DNAH9: variants seen among roughly 807,000 people sequenced by gnomAD.
DNAH9 encodes dynein axonemal heavy chain 9, also known as DNAH9 variant protein.
Under a neutral mutation model 471.6 loss-of-function variants are expected in DNAH9, and 345 were observed. The ratio of observed to expected loss-of-function variants is 0.73; its 90% CI spans 0.67 to 0.80. The LOEUF (loss-of-function observed/expected upper bound fraction) is 0.80. Ranked by LOEUF, DNAH9 falls within the 30% of genes least tolerant of loss-of-function variation. The probability of loss-of-function intolerance (pLI) is 0.00; values close to 1 mark genes in which losing one functional copy is unlikely to be tolerated. For synonymous variants in DNAH9, 2,093 were observed against 2,123.6 expected, an observed-to-expected ratio of 0.99 and a Z score of 0.40; for missense variants, 5,407 against 5,609.2, an observed-to-expected ratio of 0.96 and a Z score of 1.15.
rs563682297 is a variant in DNAH9 at position 11,933,474 on chromosome 17, G to A, written c.12298-406G>A. ...CAGCTCACCACAACCTCCGCCTCCC[G>A]GGTTCAAGAGATTCTCCTGTCTCAG... is the stretch of plus-strand genomic sequence containing the variant. On this transcript the variant is annotated intron_variant, in intron 64 of 68. Transcript: ENST00000262442. Among the ~76,000 whole-genome samples, 41 of 151,710 alleles carry A rather than the reference G, an allele frequency of 2.7e-4. 1 individual carries two copies. The highest frequency in any genetic ancestry group is 2.5e-3 in the South Asian group (12 of 4,806).
At chr17:11,908,826 G>A (rs1051792606) in intron 61 of DNAH9, among the ~76,000 whole-genome samples, 1 of 152,166 alleles carries the variant, frequency 6.6e-6, no homozygotes, top group African/African-American at 2.4e-5. Context: ...AGCCTTCCGC[G>A]GATGCCGGGT....
At chr17:11,926,071 G>C (rs908693311) in intron 62 of DNAH9, among the ~76,000 whole-genome samples, 2 of 135,108 alleles carry the variant, frequency 1.5e-5, no homozygotes, top group Admixed American at 8.4e-5. Context: ...AAGCTGGGGG[G>C]GGAGGAATAC....
At position 11,962,720 on chromosome 17, in the gene DNAH9, G is replaced by A. The variant is rs1976326255; in HGVS notation, c.13233+464G>A. On this transcript the variant is annotated intron_variant, in intron 68 of 68. Coordinates refer to ENST00000262442, the MANE Select transcript of DNAH9 (RefSeq NM_001372.4). This position sits in a 1 kb window ranked among gnomAD's most constrained non-coding sequence, Gnocchi z 4.1. ...TGTCTGTCGCCCAGGCTGGAGTACA[G>A]TGGCACGATCTTAGCTCACTGCAAC... Among the ~76,000 whole-genome samples, 1 of 152,168 alleles carries A rather than the reference G, an allele frequency of 6.6e-6. No individual in the cohort carries two copies. The highest frequency in any genetic ancestry group is 2.1e-4 in the South Asian group (1 of 4,838).
At chr17:11,768,740 T>A (rs1301623931) in intron 37 of DNAH9, 114 bp downstream of exon 37, 1 of 1,298,246 alleles carries the variant, frequency 7.7e-7, no homozygotes, top group African/African-American at 1.5e-5. Context: ...TAGGAACTAG[T>A]CATCCCCAGC....
At chr17:11,961,809 G>T in intron 67 of DNAH9, 58 bp from the exon 68 acceptor site, 1 of 1,533,910 alleles carries the variant, frequency 6.5e-7, no homozygotes, top group Non-Finnish European at 8.8e-7. Flanking sequence ...CTGAGGCCAG[G>T]TGTTTTCAGG....
intron 43 of DNAH9, among the ~76,000 whole-genome samples, chr17:11,802,122 G>A (rs866254400): frequency 6.6e-6 from 1 of 152,080 alleles, no homozygotes; most frequent in African/African-American, 2.4e-5. Flanking sequence ...CTTTATCCTC[G>A]CTCTGCCATT....
At chr17:11,923,520 C>T (rs1334746959) in intron 61 of DNAH9, among the ~76,000 whole-genome samples, 1 of 152,158 alleles carries the variant, frequency 6.6e-6, no homozygotes, top group Non-Finnish European at 1.5e-5. Flanking sequence ...ACTGTGTTAG[C>T]CAGGATGGTC....
intron 26 of DNAH9, among the ~76,000 whole-genome samples, chr17:11,709,123 T>A (rs2074787421): frequency 6.6e-6 from 1 of 152,208 alleles, no homozygotes; most frequent in South Asian, 2.1e-4. Context: ...TTTAGAGGTC[T>A]CTAGTATACT....
rs770784805 is a variant in DNAH9 at position 11,932,194 on chromosome 17, G to A, written c.12286G>A (p.Ala4096Thr). 3.7e-6 allele frequency: 6 copies of A among 1,613,944 alleles called. No homozygotes were observed. The highest frequency in any genetic ancestry group is 5.1e-6 in the Non-Finnish European group (6 of 1,179,944). Residue 4096 changes from alanine to threonine, a missense_variant, in exon 64 of 69, where the codon GCC becomes ACC. By Grantham distance (58) the Ala-to-Thr change is moderately conservative (BLOSUM62 0). This residue lies in a region of DNAH9 where 4,636 missense variants were observed against 4,900.3 expected (regional missense o/e 0.95). Transcript: ENST00000262442. The surrounding 1 kb of genome is among the most constrained non-coding windows in gnomAD (Gnocchi z 4.3). ...GAATGTCCTCTACAACTTCCTGGAG[G>A]CCAACGCAAAGGTAAAGGCCATGGA... ...SVNVLYNFLE[A>T]NAKVPYDDLR...
At chr17:11,712,218 T>G (rs2074879522) in intron 26 of DNAH9, among the ~76,000 whole-genome samples, 1 of 146,694 alleles carries the variant, frequency 6.8e-6, no homozygotes, top group African/African-American at 2.5e-5. Context: ...TTTTAAAAAC[T>G]CCCATATTTT....
chr17:11,900,154 A>G (rs1374980688), intron 59 of DNAH9, among the ~76,000 whole-genome samples: 1 of 151,466 alleles, frequency 6.6e-6, no homozygotes, highest in Non-Finnish European at 1.5e-5. Context: ...CTGGCTCAAA[A>G]GTGGTGGTGC....
chr17:11,785,433 A>G (rs1363123402), intron 41 of DNAH9, among the ~76,000 whole-genome samples: 1 of 152,164 alleles, frequency 6.6e-6, no homozygotes, highest in African/African-American at 2.4e-5. Context: ...TCTCAGAGCA[A>G]TTATGCAGGC....
chr17:11,732,406 C>A (rs902076141), intron 28 of DNAH9, among the ~76,000 whole-genome samples: 2 of 152,032 alleles, frequency 1.3e-5, no homozygotes, highest in African/African-American at 4.8e-5. Flanking sequence ...ATTATTCACA[C>A]GGCAATCCAG....
At position 11,716,082 on chromosome 17, in the gene DNAH9, CT is replaced by C. The variant is rs61643065; in HGVS notation, c.5553-3233del. 3.9e-3 allele frequency among the ~76,000 whole-genome samples: 516 copies of C among 132,438 alleles called. 1 individual carries two copies. The highest frequency in any genetic ancestry group is 0.011 in the African/African-American group (344 of 32,564). The allele number at this position is 132,438 out of a possible 152,430, so 86.9% of individuals were successfully genotyped here. A position where few individuals can be genotyped will look rare whatever the true frequency, so the allele number is the denominator to read the frequency against. ...ATACTGCCTCTTTCTTTTTCTTTCT[CT>C]TTTTTTTTTTTTTTTTTTGAGATGA... is the stretch of plus-strand genomic sequence containing the variant. On this transcript the variant is annotated intron_variant, in intron 26 of 68. Transcript: ENST00000262442.
chr17:11,753,435 C>T (rs760732706), intron 33 of DNAH9, among the ~76,000 whole-genome samples: 1 of 152,106 alleles, frequency 6.6e-6, no homozygotes, highest in Non-Finnish European at 1.5e-5. Context: ...GAGGCCAAGG[C>T]GGGCAGATCA....
chr17:11,688,124 G>T (rs1356272157), intron 19 of DNAH9, among the ~76,000 whole-genome samples: 1 of 148,306 alleles, frequency 6.7e-6, no homozygotes, highest in African/African-American at 2.5e-5. Flanking sequence ...GCCTACATGG[G>T]TTCCTTTGCA....
intron 68 of DNAH9, among the ~76,000 whole-genome samples, chr17:11,964,366 A>G (rs1976509159): frequency 6.6e-6 from 1 of 152,176 alleles, no homozygotes; most frequent in African/African-American, 2.4e-5. Flanking sequence ...AAGGAAAGTC[A>G]GTGACACTGG....
chr17:11,806,694 A>G (rs1969699132), intron 43 of DNAH9, among the ~76,000 whole-genome samples: 1 of 152,192 alleles, frequency 6.6e-6, no homozygotes, highest in Admixed American at 6.5e-5. Context: ...AAAAATGCAG[A>G]CAAACACTAG....
At position 11,825,360 on chromosome 17, in the gene DNAH9, C is replaced by A. The variant is rs138528521; in HGVS notation, c.9246+2326C>A. ...TACCATGCCCTCACAACATTTTCCA[C>A]CAGCCCTGTTCTCCCTCCTATCTAT... On this transcript the variant is annotated intron_variant, in intron 48 of 68. Coordinates refer to ENST00000262442, the MANE Select transcript of DNAH9 (RefSeq NM_001372.4). Among the ~76,000 whole-genome samples the A allele has an allele frequency of 2.6e-5, 4 of 152,300 alleles. No homozygotes were observed. The East Asian group carries it at 7.7e-4, about 29-fold the overall frequency.
Sources: gnomAD v4.1 joint callset for allele counts (sites outside exome capture counted in the v4.1 genomes callset) on GRCh38, gnomAD v4.1.1 for gene constraint, gnomAD v4.1.1 regional missense constraint, Gnocchi (gnomAD v3.1) non-coding constraint, MANE v1.5 for transcripts, NCBI Gene and HGNC (gene_info 2026-07-23, HGNC 2026-07-21) for gene names.